Variants in JOSD2 observed in about 807,000 individuals in gnomAD.
JOSD2 encodes the protein josephin-2.
JOSD2 carries 20 observed loss-of-function variants against 19.3 expected under a neutral mutation model. The observed-to-expected ratio is 1.04, with a 90% CI of 0.73 to 1.51. The LOEUF (loss-of-function observed/expected upper bound fraction) is 1.51, where lower values mean the gene tolerates loss of function less well. Among genes scored for constraint, JOSD2 ranks in the 40% most tolerant of loss-of-function variants. The pLI, the probability that JOSD2 is intolerant of heterozygous loss-of-function variation, is 0.00. For missense variants in JOSD2, 215 were observed against 250.4 expected, an observed-to-expected ratio of 0.86 and a Z score of 0.95; for synonymous variants, 118 against 123.7, an observed-to-expected ratio of 0.95 and a Z score of 0.31.
chr19:50,509,378 C>G (rs1001867876), intron 2 of JOSD2, among the ~76,000 whole-genome samples: 1 of 152,066 alleles, frequency 6.6e-6, no homozygotes, highest in Non-Finnish European at 1.5e-5. Flanking sequence ...CAGGTGTGAG[C>G]CACTGCGCCC....
In JOSD2 at chr19:50,506,566, C is replaced by T. The variant is rs1568700661; in HGVS notation, c.279G>A (p.Leu93=). 4 of 1,532,808 alleles carry T rather than the reference C, an allele frequency of 2.6e-6. No individual in the cohort carries two copies. The highest frequency in any genetic ancestry group is 2.0e-5 in the Admixed American group (1 of 49,180). 95.0% of individuals were successfully genotyped at this position (1,532,808 alleles called of 1,614,324 possible). ...GTACCTGGGGCAGGGCCAGCTGGGA[C>T]AGGGGCCTGTGTGGGCAGGGAGGGG... is the stretch of plus-strand genomic sequence containing the variant. ...AAVWWDRRRP[L]SQLALPQVLG... The change falls in exon 4 of 5, where the codon CTG becomes CTA. Residue 93 remains leucine (L), a synonymous_variant. Transcript: ENST00000598418.
chr19:50,509,224 T>A (rs1200173042), intron 2 of JOSD2, among the ~76,000 whole-genome samples: 1 of 150,340 alleles, frequency 6.7e-6, no homozygotes, highest in Admixed American at 6.7e-5. Flanking sequence ...ACTACAGACA[T>A]GTGCCACCAC....
intron 2 of JOSD2, among the ~76,000 whole-genome samples, chr19:50,508,183 G>A (rs1979501590): frequency 6.6e-6 from 1 of 152,136 alleles, no homozygotes; most frequent in Non-Finnish European, 1.5e-5. Flanking sequence ...CTTGGACAAA[G>A]TCCCTGTCCC....
chr19:50,510,281 G>C lies in JOSD2; in HGVS notation c.146+5C>G, dbSNP rs1264215360. On this transcript the variant is annotated splice_donor_5th_base_variant and intron_variant, in intron 2 of 4. Coordinates refer to ENST00000598418, the MANE Select transcript of JOSD2 (RefSeq NM_001270639.2). ...GCTCCAGGGGCTGGGGTGGGTGACG[G>C]TCACCTCTTGCAGATCTCATCGGCA... The C allele has an allele frequency of 6.2e-7, 1 of 1,613,164 alleles. No homozygotes were observed. Among genetic ancestry groups the C allele is most frequent in the East Asian group, 2.2e-5 (1 of 44,892 alleles).
rs1019004674 is a variant in JOSD2 at position 50,509,992 on chromosome 19, G to A, written c.146+294C>T. On this transcript the variant is annotated intron_variant, in intron 2 of 4. Coordinates refer to ENST00000598418, the MANE Select transcript of JOSD2 (RefSeq NM_001270639.2). ...GGCATGAACCCGGGAGGCCGAGCTC[G>A]CAGTGAGCGAGATCGCGCAACTGCA... 9 of 264,856 alleles carry A rather than the reference G, an allele frequency of 3.4e-5. No individual in the cohort carries two copies. The Admixed American group carries it at 3.8e-4, about 11-fold the overall frequency. The allele number at this position is 264,856 out of a possible 1,614,324, so 16.4% of individuals were successfully genotyped here.
intron 2 of JOSD2, among the ~76,000 whole-genome samples, chr19:50,509,555 A>C (rs1292450820): frequency 6.6e-6 from 1 of 152,150 alleles, no homozygotes; most frequent in Non-Finnish European, 1.5e-5. Context: ...AGGGCTGAAG[A>C]TGCGGAGGCA....
chr19:50,510,051 CA>C (rs139049930), intron 2 of JOSD2: 10,655 of 230,706 alleles, frequency 0.046, no homozygotes, highest in East Asian at 0.073. Flanking sequence ...GACTCAGTCT[CA>C]AAAAAAAAAA....
At chr19:50,509,566 GGCTCGGCCTCC>G (rs1228422148) in intron 2 of JOSD2, among the ~76,000 whole-genome samples, 2 of 152,214 alleles carry the variant, frequency 1.3e-5, no homozygotes, top group African/African-American at 4.8e-5. Context: ...TGCGGAGGCA[GGCTCGGCCTCC>G]GCTATGAGGA....
intron 3 of JOSD2, 40 bp downstream of exon 3, chr19:50,507,532 CTG>C (rs56244239): frequency 0.018 from 28,514 of 1,573,970 alleles, 287 homozygotes; most frequent in Non-Finnish European, 0.021. Context: ...AGGGTGCCCT[CTG>C]TGCCCGGCCC....
chr19:50,506,398 C>T lies in JOSD2; in HGVS notation c.447G>A (p.Leu149=), dbSNP rs199883705. Residue 149 remains leucine (L), a synonymous_variant, in exon 4 of 5, where the codon CTG becomes CTA. Transcript: ENST00000598418. ...CTCACCTGACTCCGTCCTCATCCCC[C>T]AGGGCCTCGGGCGCCCGCAGCTTGG... ...LDSKLRAPEA[L]GDEDGVRAFL... 54 of 1,606,352 alleles carry T rather than the reference C, an allele frequency of 3.4e-5. No individual in the cohort carries two copies. The highest frequency in any genetic ancestry group is 8.5e-6 in the Non-Finnish European group (10 of 1,177,028).
intron 3 of JOSD2, 111 bp from the exon 4 acceptor site, chr19:50,506,683 C>T (rs1436499273): frequency 5.1e-6 from 5 of 972,792 alleles, no homozygotes; most frequent in Non-Finnish European, 7.4e-6. Flanking sequence ...CCTGAGCCCA[C>T]CCAGAGGTGT....
intron 2 of JOSD2, chr19:50,510,063 AAAAAG>A: frequency 1.3e-5 from 6 of 460,358 alleles, no homozygotes; most frequent in South Asian, 5.0e-5. Flanking sequence ...AAAAAAAAAA[AAAAAG>A]AAAGAACCAC....
intron 1 of JOSD2, 58 bp downstream of exon 1, chr19:50,511,059 C>T (rs2122720567): frequency 2.2e-6 from 1 of 451,232 alleles, no homozygotes. Context: ...GAATGGAGCC[C>T]TTCGCCGACC....
chr19:50,507,100 C>CT (rs1979411090), intron 3 of JOSD2, among the ~76,000 whole-genome samples: 1 of 84,788 alleles, frequency 1.2e-5, no homozygotes, highest in Non-Finnish European at 2.1e-5. Flanking sequence ...TCACCACCCA[C>CT]CACCCACCCA....
rs1234648293 is a variant in JOSD2, at chr19:50,506,130, G to A, written c.*43C>T. On this transcript the variant is annotated 3_prime_UTR_variant, in exon 5 of 5. Coordinates refer to ENST00000598418, the MANE Select transcript of JOSD2 (RefSeq NM_001270639.2). ...CATGCAGTGTGCGCAGCCGGAGGGG[G>A]ATGCGCAGGGACTGCGCTGTGGGCG... 6.4e-7 allele frequency: 1 copy of A among 1,566,470 alleles called. No individual in the cohort carries two copies. Among genetic ancestry groups the A allele is most frequent in the Non-Finnish European group, 8.8e-7 (1 of 1,141,514 alleles).
rs1364146317 is a variant in JOSD2 at position 50,511,125 on chromosome 19, CCT to C, written c.-28_-27del. 8.8e-6 allele frequency: 4 copies of C among 452,604 alleles called. No homozygotes were observed. Among genetic ancestry groups the C allele is most frequent in the Admixed American group, 2.4e-5 (1 of 42,398 alleles). 28.0% of individuals were successfully genotyped at this position (452,604 alleles called of 1,614,324 possible). A position where few individuals can be genotyped will look rare whatever the true frequency, so the allele number is the denominator to read the frequency against. The stretch of plus-strand genomic sequence containing the variant: ...CTGGCAACGCCCCTCACCCCGCCTG[CCT>C]CTCCGCTCCACCGAGCCAGGGGTTT... On this transcript the variant is annotated 5_prime_UTR_variant, in exon 1 of 5. Coordinates refer to ENST00000598418, the MANE Select transcript of JOSD2 (RefSeq NM_001270639.2).
rs1319710353 is a variant in JOSD2, at chr19:50,508,698, C to CAT, written c.147-1000_147-999insAT. 3.5e-5 allele frequency among the ~76,000 whole-genome samples: 5 copies of CAT among 140,910 alleles called. No homozygotes were observed. The South Asian group carries it at 1.2e-3, about 34-fold the overall frequency. 92.4% of individuals were successfully genotyped at this position (140,910 alleles called of 152,430 possible). Reference sequence around the variant, plus strand: ...AGGCAGGACATGGGAGGAAAACGCTCGTGTGTGTGTGTGTGTGTGTGTGTG... The same window carrying CAT: ...AGGCAGGACATGGGAGGAAAACGCTCATGTGTGTGTGTGTGTGTGTGTGTGTG... On this transcript the variant is annotated intron_variant, in intron 2 of 4. Coordinates refer to ENST00000598418, the MANE Select transcript of JOSD2 (RefSeq NM_001270639.2).
chr19:50,506,278 T>TGG lies in JOSD2; in HGVS notation c.468-8_468-7dup, dbSNP rs1208162326. On this transcript the variant is annotated splice_polypyrimidine_tract_variant and splice_region_variant and intron_variant, in intron 4 of 4. Coordinates refer to ENST00000598418, the MANE Select transcript of JOSD2 (RefSeq NM_001270639.2). ...GCGCAGCCGCCAGGAAGGCCCTGGG[T>TGG]GGGAGAAATGGGGAGACTGAGGCTC... 1.2e-6 allele frequency: 2 copies of TGG among 1,612,102 alleles called. No homozygotes were observed. The highest frequency in any genetic ancestry group is 2.2e-5 in the South Asian group (2 of 91,056).
In JOSD2 at chr19:50,506,114, T is replaced by A. The variant is rs1162084500; in HGVS notation, c.*59A>T. 1 of 1,528,362 alleles carries A rather than the reference T, an allele frequency of 6.5e-7. No individual in the cohort carries two copies. The highest frequency in any genetic ancestry group is 1.2e-5 in the South Asian group (1 of 86,150). The allele number at this position is 1,528,362 out of a possible 1,614,324, so 94.7% of individuals were successfully genotyped here. A position where few individuals can be genotyped will look rare whatever the true frequency, so the allele number is the denominator to read the frequency against. On this transcript the variant is annotated 3_prime_UTR_variant, in exon 5 of 5. Coordinates refer to ENST00000598418, the MANE Select transcript of JOSD2 (RefSeq NM_001270639.2). ...GCTGGCCTTTCCCAGGCATGCAGTG[T>A]GCGCAGCCGGAGGGGGATGCGCAGG...
Sources: allele counts gnomAD v4.1 joint callset (sites outside exome capture counted in the v4.1 genomes callset), GRCh38; gene constraint gnomAD v4.1.1; transcripts MANE v1.5; gene names NCBI Gene and HGNC (gene_info 2026-07-23, HGNC 2026-07-21).